CCN1: variants seen among roughly 807,000 people sequenced by gnomAD.
CCN1 encodes the protein cellular communication network factor 1, also known as CCN family member 1.
A neutral mutation model predicts 38.1 loss-of-function variants in CCN1; 12 were observed. The observed-to-expected ratio is 0.31, with a 90% CI of 0.20 to 0.51. The LOEUF is 0.51. Ranked by LOEUF, CCN1 falls within the 20% of genes least tolerant of loss-of-function variation. The probability of loss-of-function intolerance (pLI) is 0.97; values close to 1 mark genes in which losing one functional copy is unlikely to be tolerated. For missense variants in CCN1, 466 were observed against 490.9 expected (o/e 0.95, Z 0.48); for synonymous variants, 202 against 196.1 (o/e 1.03, Z -0.25).
Position 85,583,862 on chromosome 1 carries a change from G to A in CCN1, c.*820G>A, listed in dbSNP as rs1659840566. On this transcript the variant is annotated 3_prime_UTR_variant, in exon 5 of 5. Coordinates refer to ENST00000451137, the MANE Select transcript of CCN1 (RefSeq NM_001554.5). ...AATGATTGCTTTTATACCTTCAGTA[G>A]AGAAAAGTCTTTGCATATAAAGTAA... 6.6e-6 allele frequency: 1 copy of A among 152,180 alleles called. No individual in the cohort carries two copies. 9.4% of individuals were successfully genotyped at this position (152,180 alleles called of 1,614,324 possible). A position where few individuals can be genotyped will look rare whatever the true frequency, so the allele number is the denominator to read the frequency against.
chr1:85,581,905 TTC>T (rs1557783461), intron 2 of CCN1, 21 bp from the exon 3 acceptor site: 1 of 1,602,820 alleles, frequency 6.2e-7, no homozygotes, highest in Admixed American at 1.7e-5. Context: ...CCTTCTACCT[TTC>T]TCTTTTGGTG....
Position 85,582,915 on chromosome 1 carries a change from G to A in CCN1, c.1019G>A (p.Gly340Glu), listed in dbSNP as rs748324416. ...TVKMRFRCED[G>E]ETFSKNVMMI... ...AAGATGCGGTTCCGCTGCGAAGATG[G>A]GGAGACATTTTCCAAGAACGTCATG... is the stretch of plus-strand genomic sequence containing the variant. The change falls in exon 5 of 5, where the codon GGG (glycine) becomes GAG (glutamate). Residue 340 changes from glycine (G) to glutamate (E), a missense_variant. Coordinates refer to ENST00000451137, the MANE Select transcript of CCN1 (RefSeq NM_001554.5). 3.1e-6 allele frequency: 5 copies of A among 1,614,192 alleles called. No individual in the cohort carries two copies. The highest frequency in any genetic ancestry group is 4.2e-6 in the Non-Finnish European group (5 of 1,180,040).
chr1:85,583,564 A>ATGTT lies in CCN1; in HGVS notation c.*524_*527dup, dbSNP rs1659834317. 1 of 153,004 alleles carries ATGTT rather than the reference A, an allele frequency of 6.5e-6. No homozygotes were observed. The highest frequency in any genetic ancestry group is 1.5e-5 in the Non-Finnish European group (1 of 68,322). 9.5% of individuals were successfully genotyped at this position (153,004 alleles called of 1,614,324 possible). ...CAGAAATCAGGTGTTTTAAGACTGA[A>ATGTT]TGTTTTATTTATCAAAATGTAGCTT... is the stretch of plus-strand genomic sequence containing the variant. On this transcript the variant is annotated 3_prime_UTR_variant, in exon 5 of 5. Coordinates refer to ENST00000451137, the MANE Select transcript of CCN1 (RefSeq NM_001554.5).
intron 4 of CCN1, 45 bp downstream of exon 4, chr1:85,582,669 T>G (rs763172280): frequency 1.9e-6 from 3 of 1,613,118 alleles, no homozygotes; most frequent in Non-Finnish European, 2.5e-6. Context: ...GGCAGGTGGG[T>G]GGGATGTGAA....
In CCN1 at chr1:85,580,878, C is replaced by A. The variant is rs2297140; in HGVS notation, c.-107C>A. 568,228 of 1,091,380 alleles carry A rather than the reference C, an allele frequency of 0.52. 150,051 individuals carry two copies. Among genetic ancestry groups the A allele is most frequent in the South Asian group, 0.69 (26,918 of 39,172 alleles). 67.6% of individuals were successfully genotyped at this position (1,091,380 alleles called of 1,614,324 possible). ...GCCCTCGCCTCCCTGCCCACCGGGC[C>A]CACCGCGCCGCCACCCCGACCCCGC... On this transcript the variant is annotated 5_prime_UTR_variant, in exon 1 of 5. Coordinates refer to ENST00000451137, the MANE Select transcript of CCN1 (RefSeq NM_001554.5).
Position 85,582,574 on chromosome 1 carries a change from C to T in CCN1, c.793C>T (p.Arg265Trp), listed in dbSNP as rs1293575106. 2.5e-6 allele frequency: 4 copies of T among 1,614,138 alleles called. No homozygotes were observed. Among genetic ancestry groups the T allele is most frequent in the South Asian group, 1.1e-5 (1 of 91,074 alleles). ...TGAGTGCCGCCTTGTGAAAGAAACC[C>T]GGATTTGTGAGGTGCGGCCTTGTGG... The part of the protein sequence containing the change: ...NPECRLVKET[R>W]ICEVRPCGQP... The change falls in exon 4 of 5, where the codon CGG becomes TGG. Residue 265 changes from arginine (R) to tryptophan (W), a missense_variant. By Grantham distance (101) the Arg-to-Trp change is moderately radical. Around this residue, in one of 3 missense-constraint regions of CCN1, gnomAD observed 309 missense variants for 319.9 expected, o/e 0.97. Transcript: ENST00000451137.
In CCN1 at chr1:85,581,475, G is replaced by A. The variant is rs1442890090; in HGVS notation, c.174G>A (p.Lys58=). 1 of 1,613,148 alleles carries A rather than the reference G, an allele frequency of 6.2e-7. No individual in the cohort carries two copies. The highest frequency in any genetic ancestry group is 8.5e-7 in the Non-Finnish European group (1 of 1,179,870). The part of the protein sequence containing the change: ...DGCGCCKVCA[K]QLNEDCSKTQ... Reference sequence around the variant, plus strand: ...GCGGCTGCTGTAAGGTCTGCGCCAAGCAGCTCAACGAGGACTGCAGCAAAA... The same window carrying A: ...GCGGCTGCTGTAAGGTCTGCGCCAAACAGCTCAACGAGGACTGCAGCAAAA... The change falls in exon 2 of 5, where the codon AAG becomes AAA. Residue 58 remains lysine, a synonymous_variant. Coordinates refer to ENST00000451137, the MANE Select transcript of CCN1 (RefSeq NM_001554.5).
At position 85,582,980 on chromosome 1, in the gene CCN1, G is replaced by A; in HGVS notation, c.1084G>A (p.Ala362Thr). ...SCKCNYNCPH[A>T]NEAAFPFYRL... is the part of the protein sequence containing the mutation. ...CAAATGCAACTACAACTGCCCGCAT[G>A]CCAATGAAGCAGCGTTTCCCTTCTA... Residue 362 changes from alanine to threonine, a missense_variant, in exon 5 of 5, where the codon GCC becomes ACC. Physicochemically the swap from Ala to Thr is moderately conservative, Grantham distance 58. This residue lies in a region of CCN1 where 309 missense variants were observed against 319.9 expected (regional missense o/e 0.97). Coordinates refer to ENST00000451137, the MANE Select transcript of CCN1 (RefSeq NM_001554.5). 6.2e-7 allele frequency: 1 copy of A among 1,614,142 alleles called. No individual in the cohort carries two copies.
chr1:85,582,723 T>C lies in CCN1; in HGVS notation c.844-17T>C, dbSNP rs377332597. On this transcript the variant is annotated splice_polypyrimidine_tract_variant and intron_variant, in intron 4 of 4. Transcript: ENST00000451137. ...GAAATATCACCCCTAACTTTCCTTC[T>C]CTCCTTTCTCTTACAGAAGGGCAAG... The C allele has an allele frequency of 2.5e-6, 4 of 1,612,206 alleles. No homozygotes were observed. Among genetic ancestry groups the C allele is most frequent in the Admixed American group, 3.3e-5 (2 of 59,912 alleles).
rs759891344 is a variant in CCN1, at chr1:85,582,573, C to A, written c.792C>A (p.Thr264=). The A allele has an allele frequency of 3.7e-6, 6 of 1,613,980 alleles. No individual in the cohort carries two copies. In the African/African-American group the frequency reaches 4.0e-5, roughly 11 times the overall value. ...CTGAGTGCCGCCTTGTGAAAGAAACCCGGATTTGTGAGGTGCGGCCTTGTG... is the reference window on the plus strand; with the variant it reads ...CTGAGTGCCGCCTTGTGAAAGAAACACGGATTTGTGAGGTGCGGCCTTGTG... ...DNPECRLVKE[T]RICEVRPCGQ... The change falls in exon 4 of 5, where the codon ACC becomes ACA. Residue 264 remains threonine (T), a synonymous_variant. Transcript: ENST00000451137.
In CCN1 at chr1:85,580,832, A is replaced by C. The variant is rs1267573352; in HGVS notation, c.-153A>C. On this transcript the variant is annotated 5_prime_UTR_variant, in exon 1 of 5. Coordinates refer to ENST00000451137, the MANE Select transcript of CCN1 (RefSeq NM_001554.5). ...CCTTCTCCGCCGGGACCTCGAGCGA[A>C]AGACGCCCGCCCGCCGCCCAGCCCT... The C allele has an allele frequency of 3.2e-6, 2 of 617,968 alleles. No individual in the cohort carries two copies. The highest frequency in any genetic ancestry group is 4.7e-6 in the Non-Finnish European group (2 of 421,806). The allele number at this position is 617,968 out of a possible 1,614,324, so 38.3% of individuals were successfully genotyped here.
Position 85,583,435 on chromosome 1 carries a change from T to G in CCN1, c.*393T>G, listed in dbSNP as rs1659832816. On this transcript the variant is annotated 3_prime_UTR_variant, in exon 5 of 5. Transcript: ENST00000451137. The stretch of plus-strand genomic sequence containing the variant: ...TAGTTGGACAGTTTAAAGCTTTTAT[T>G]CGTCCTTTGACAAAAGTAAATGGGA... 5.3e-6 allele frequency: 1 copy of G among 188,626 alleles called. No homozygotes were observed. The highest frequency in any genetic ancestry group is 2.4e-5 in the African/African-American group (1 of 42,354). 11.7% of individuals were successfully genotyped at this position (188,626 alleles called of 1,614,324 possible).
At position 85,582,259 on chromosome 1, in the gene CCN1, A is replaced by G. The variant is rs1189597518; in HGVS notation, c.609A>G (p.Lys203=). Residue 203 remains lysine, a synonymous_variant, in exon 3 of 5, where the codon AAA becomes AAG. Transcript: ENST00000451137. ...TRNNELIAVG[K]GSSLKRLPVF... ...ACAATGAATTGATTGCAGTTGGAAA[A>G]GGCAGCTCACTGAAGCGGCTCCCTG... 1.2e-6 allele frequency: 2 copies of G among 1,614,206 alleles called. No individual in the cohort carries two copies. Among genetic ancestry groups the G allele is most frequent in the South Asian group, 2.2e-5 (2 of 91,086 alleles).
rs200203130 is a variant in CCN1 at position 85,582,535 on chromosome 1, A to G, written c.754A>G (p.Thr252Ala). Reference sequence around the variant, plus strand: ...TGGAACTGGTATCTCCACACGAGTTACCAATGACAACCCTGAGTGCCGCCT... The same window carrying G: ...TGGAACTGGTATCTCCACACGAGTTGCCAATGACAACCCTGAGTGCCGCCT... ...TCGTGISTRV[T>A]NDNPECRLVK... The change falls in exon 4 of 5, where the codon ACC becomes GCC. Residue 252 changes from threonine to alanine, a missense_variant. Transcript: ENST00000451137. 68 of 1,614,182 alleles carry G rather than the reference A, an allele frequency of 4.2e-5. No homozygotes were observed. Among genetic ancestry groups the G allele is most frequent in the Non-Finnish European group, 5.7e-5 (67 of 1,180,026 alleles).
In CCN1 at chr1:85,582,133, G is replaced by C. The variant is rs764655571; in HGVS notation, c.483G>C (p.Trp161Cys). ...TTACCGGGCAGTGCTGCGAGGAGTG[G>C]GTCTGTGACGAGGATAGTATCAAGG... ...VKVTGQCCEE[W>C]VCDEDSIKDP... is the part of the protein sequence containing the mutation. Residue 161 changes from tryptophan (W) to cysteine (C), a missense_variant, in exon 3 of 5, where the codon TGG (tryptophan) becomes TGC (cysteine). Around this residue, in one of 3 missense-constraint regions of CCN1, gnomAD observed 309 missense variants for 319.9 expected, o/e 0.97. Transcript: ENST00000451137. 1.2e-6 allele frequency: 2 copies of C among 1,614,168 alleles called. No homozygotes were observed. Among genetic ancestry groups the C allele is most frequent in the Non-Finnish European group, 1.7e-6 (2 of 1,180,026 alleles).
chr1:85,582,192 A>G lies in CCN1; in HGVS notation c.542A>G (p.Lys181Arg). The change falls in exon 3 of 5, where the codon AAG (lysine) becomes AGG (arginine). Residue 181 changes from lysine (K) to arginine (R), a missense_variant. By Grantham distance (26) the Lys-to-Arg change is conservative. Transcript: ENST00000451137. ...GAGGACCAGGACGGCCTCCTTGGCAAGGAGCTGGGATTCGATGCCTCCGAG... is the reference window on the plus strand; with the variant it reads ...GAGGACCAGGACGGCCTCCTTGGCAGGGAGCTGGGATTCGATGCCTCCGAG... ...PMEDQDGLLG[K>R]ELGFDASEVE... 1 of 1,614,204 alleles carries G rather than the reference A, an allele frequency of 6.2e-7. No individual in the cohort carries two copies. Among genetic ancestry groups the G allele is most frequent in the South Asian group, 1.1e-5 (1 of 91,084 alleles).
intron 2 of CCN1, 152 bp from the exon 3 acceptor site, chr1:85,581,772 GACTA>G: frequency 1.8e-6 from 2 of 1,094,074 alleles, no homozygotes; most frequent in Non-Finnish European, 2.7e-6. Flanking sequence ...AGTGATTCCT[GACTA>G]ACTTATTGTT....
intron 2 of CCN1, 143 bp from the exon 3 acceptor site, chr1:85,581,785 T>G: frequency 8.9e-7 from 1 of 1,120,438 alleles, no homozygotes; most frequent in Non-Finnish European, 1.3e-6. Context: ...TAACTTATTG[T>G]TCTGGTCTGG....
rs1345789969 is a variant in CCN1 at position 85,581,964 on chromosome 1, G to C, written c.314G>C (p.Arg105Thr). 1.2e-6 allele frequency: 2 copies of C among 1,614,050 alleles called. No individual in the cohort carries two copies. The change falls in exon 3 of 5, where the codon AGA (arginine) becomes ACA (threonine). Residue 105 changes from arginine to threonine, a missense_variant. Transcript: ENST00000451137. Reference sequence around the variant, plus strand: ...GGCAGACCCTGTGAATATAACTCCAGAATCTACCAAAACGGGGAAAGTTTC... The same window carrying C: ...GGCAGACCCTGTGAATATAACTCCACAATCTACCAAAACGGGGAAAGTTTC... Reference protein sequence around the residue: ...SEGRPCEYNSRIYQNGESFQP... With the variant: ...SEGRPCEYNSTIYQNGESFQP...
Sources: gnomAD v4.1 joint callset for allele counts on GRCh38, gnomAD v4.1.1 for gene constraint, gnomAD v4.1.1 regional missense constraint, MANE v1.5 for transcripts, NCBI Gene and HGNC (gene_info 2026-07-23, HGNC 2026-07-21) for gene names.